PIGN: variants seen among roughly 807,000 people sequenced by gnomAD.
The protein encoded by PIGN is phosphatidylinositol glycan anchor biosynthesis class N.
Under a neutral mutation model 125.4 loss-of-function variants are expected in PIGN, and 117 were observed. That is an observed-to-expected ratio of 0.93 (90% confidence interval 0.80 to 1.09). The LOEUF (loss-of-function observed/expected upper bound fraction) is 1.09, where lower values mean the gene tolerates loss of function less well. Among genes scored for constraint, PIGN ranks in the 50% least tolerant of loss-of-function variants. The pLI, the probability that PIGN is intolerant of heterozygous loss-of-function variation, is 0.00. For missense variants in PIGN, 1,075 were observed against 1,094.9 expected (o/e 0.98, Z 0.26); for synonymous variants, 392 against 377.8 (o/e 1.04, Z -0.44).
intron 23 of PIGN, among the ~76,000 whole-genome samples, chr18:62,091,504 C>G (rs954087312): frequency 1.3e-5 from 2 of 151,960 alleles, no homozygotes; most frequent in Non-Finnish European, 2.9e-5. Flanking sequence ...AAAAATTTAC[C>G]CTGAGAAAAT....
intron 14 of PIGN, among the ~76,000 whole-genome samples, chr18:62,117,553 T>G (rs200462629): frequency 3.8e-5 from 4 of 106,342 alleles, no homozygotes; most frequent in Admixed American, 1.8e-4. Context: ...AGCCCCCCCC[T>G]CTAAAAAGAA....
chr18:62,154,975 T>C (rs2036670230), intron 6 of PIGN, among the ~76,000 whole-genome samples: 1 of 152,190 alleles, frequency 6.6e-6, no homozygotes, highest in Non-Finnish European at 1.5e-5. Context: ...GCACAATATT[T>C]GTCTCCCTTT....
At chr18:62,151,561 C>T (rs945131987) in intron 7 of PIGN, among the ~76,000 whole-genome samples, 1 of 152,162 alleles carries the variant, frequency 6.6e-6, no homozygotes, top group African/African-American at 2.4e-5. Context: ...CATGCGGGCG[C>T]CCCACCCTAA....
intron 1 of PIGN, among the ~76,000 whole-genome samples, chr18:62,169,017 A>G (rs2037256110): frequency 6.6e-6 from 1 of 151,930 alleles, no homozygotes; most frequent in South Asian, 2.1e-4. Flanking sequence ...CACCATGCTC[A>G]GCTATTTTTG....
intron 1 of PIGN, among the ~76,000 whole-genome samples, chr18:62,168,601 C>A (rs899281226): frequency 6.6e-6 from 1 of 152,116 alleles, no homozygotes; most frequent in East Asian, 1.9e-4. Context: ...CTCTTATACA[C>A]CTACAGTATA....
At position 62,147,053 on chromosome 18, in the gene PIGN, G is replaced by A. The variant is rs541513176; in HGVS notation, c.723C>T (p.Ile241=). ...CATAGAAGTGGTTAAACATAGACAC[G>A]ATTTCTTTAACTCCATCATCAACTT... The part of the protein sequence containing the change: ...IKKVDDGVKE[I]VSMFNHFYGN... The change falls in exon 9 of 31, where the codon ATC becomes ATT. Residue 241 remains isoleucine, a synonymous_variant. Coordinates refer to ENST00000640252, the MANE Select transcript of PIGN (RefSeq NM_176787.5). 52 of 1,608,928 alleles carry A rather than the reference G, an allele frequency of 3.2e-5. No individual in the cohort carries two copies. Among genetic ancestry groups the A allele is most frequent in the Admixed American group, 5.0e-5 (3 of 59,814 alleles).
chr18:62,106,744 CA>C (rs1475668297), intron 19 of PIGN, 44 bp downstream of exon 19: 1 of 1,276,958 alleles, frequency 7.8e-7, no homozygotes, highest in East Asian at 2.4e-5. Flanking sequence ...TGTGTCAAAA[CA>C]AAGTAGTTAC....
intron 29 of PIGN, among the ~76,000 whole-genome samples, chr18:62,073,834 G>A (rs1368615043): frequency 1.3e-5 from 2 of 152,154 alleles, no homozygotes; most frequent in East Asian, 3.9e-4. Context: ...CAGCTACTGG[G>A]AGGCAATTTC....
chr18:62,097,987 C>T (rs960355232), intron 22 of PIGN, among the ~76,000 whole-genome samples: 5 of 152,142 alleles, frequency 3.3e-5, no homozygotes, highest in South Asian at 2.1e-4. Flanking sequence ...GATGAAATCC[C>T]GGCTGAATCA....
chr18:62,151,471 G>C (rs1481625567), intron 7 of PIGN, among the ~76,000 whole-genome samples: 6 of 152,310 alleles, frequency 3.9e-5, no homozygotes, highest in African/African-American at 1.4e-4. Context: ...GAAAAGGAAA[G>C]AAAGCCTCGG....
chr18:62,080,153 TC>T (rs905485407), intron 28 of PIGN, among the ~76,000 whole-genome samples: 6 of 152,214 alleles, frequency 3.9e-5, no homozygotes, highest in Non-Finnish European at 7.3e-5. Flanking sequence ...GTGTTTTTTT[TC>T]CCCCAATCCC....
intron 23 of PIGN, among the ~76,000 whole-genome samples, chr18:62,019,957 G>C (rs2030032937): frequency 6.6e-6 from 1 of 152,234 alleles, no homozygotes; most frequent in South Asian, 2.1e-4. Flanking sequence ...GACAGAAATT[G>C]GAACTCTGGA....
chr18:62,101,062 A>C lies in PIGN; in HGVS notation c.2077+13T>G, dbSNP rs1483294900. On this transcript the variant is annotated intron_variant, in intron 22 of 30. Transcript: ENST00000640252. The stretch of plus-strand genomic sequence containing the variant: ...ATGTCAAATTACCTCACCTGGTTTG[A>C]GTGGCCTCTTACCTAATGTTGCCCA... 1.4e-6 allele frequency: 2 copies of C among 1,408,426 alleles called. No homozygotes were observed. The highest frequency in any genetic ancestry group is 2.0e-6 in the Non-Finnish European group (2 of 991,656). 87.2% of individuals were successfully genotyped at this position (1,408,426 alleles called of 1,614,324 possible).
intron 14 of PIGN, among the ~76,000 whole-genome samples, chr18:62,117,031 A>C (rs949252274): frequency 4.6e-5 from 7 of 152,100 alleles, no homozygotes; most frequent in Non-Finnish European, 1.0e-4. Context: ...AACAGGAGTC[A>C]GGGTAATTTG....
chr18:62,145,888 C>T (rs761532482), intron 10 of PIGN, 21 bp downstream of exon 10: 66 of 1,148,232 alleles, frequency 5.7e-5, no homozygotes, highest in Non-Finnish European at 6.7e-5. Context: ...TATTTATAAA[C>T]CAGTAAAGAA....
intron 1 of PIGN, among the ~76,000 whole-genome samples, chr18:62,170,171 G>A (rs140137065): frequency 4.1e-4 from 63 of 152,208 alleles, no homozygotes; most frequent in Middle Eastern, 3.4e-3. Context: ...CCATTTGTAC[G>A]GATTTAATTT....
intron 23 of PIGN, among the ~76,000 whole-genome samples, chr18:62,021,589 G>C (rs2030055317): frequency 6.6e-6 from 1 of 152,214 alleles, no homozygotes; most frequent in Non-Finnish European, 1.5e-5. Flanking sequence ...CTTTGCACAG[G>C]GGCTGCTGGC....
chr18:62,119,634 A>G (rs565797032), intron 14 of PIGN, among the ~76,000 whole-genome samples: 2 of 152,178 alleles, frequency 1.3e-5, no homozygotes, highest in African/African-American at 4.8e-5. Context: ...ACTTGAGGTC[A>G]GGAGTTTGAG....
At chr18:62,155,338 A>T (rs1056982876) in intron 6 of PIGN, among the ~76,000 whole-genome samples, 1 of 152,144 alleles carries the variant, frequency 6.6e-6, no homozygotes, top group Non-Finnish European at 1.5e-5. Context: ...AGGCCGAGGC[A>T]GGTGGATCAC....
Sources: allele counts gnomAD v4.1 joint callset (sites outside exome capture counted in the v4.1 genomes callset), GRCh38; gene constraint gnomAD v4.1.1; transcripts MANE v1.5; gene names NCBI Gene and HGNC (gene_info 2026-07-23, HGNC 2026-07-21).